The following SYNJ2BP variants were observed in gnomAD, a reference collection of about 807,000 sequenced individuals.
The protein encoded by SYNJ2BP is synaptojanin 2 binding protein.
A neutral mutation model predicts 16.9 loss-of-function variants in SYNJ2BP; 10 were observed. The observed-to-expected ratio is 0.59, with a 90% CI of 0.36 to 1.00. The LOEUF is 1.00. SYNJ2BP is among the 50% of genes least tolerant of loss of function. SYNJ2BP has a pLI of 0.01. For missense variants in SYNJ2BP, 162 were observed against 186.7 expected, an observed-to-expected ratio of 0.87 and a Z score of 0.77; for synonymous variants, 54 against 68.4, an observed-to-expected ratio of 0.79 and a Z score of 1.04.
intron 2 of SYNJ2BP, among the ~76,000 whole-genome samples, chr14:70,387,523 G>A (rs1180805920): frequency 6.6e-6 from 1 of 152,094 alleles, no homozygotes; most frequent in Non-Finnish European, 1.5e-5. Flanking sequence ...ACTGTGCTAT[G>A]ATTCAAAAGG....
chr14:70,412,509 C>CAGTATATATGTATGTAT (rs1888496860), intron 1 of SYNJ2BP, among the ~76,000 whole-genome samples: 16 of 87,690 alleles, frequency 1.8e-4, no homozygotes, highest in Non-Finnish European at 3.9e-4. Context: ...AGTATATATA[C>CAGTATATATGTATGTAT]AGTATATATA....
In SYNJ2BP at chr14:70,373,121, T is replaced by C. The variant is rs772561688; in HGVS notation, c.308A>G (p.Gln103Arg). 5.6e-6 allele frequency: 9 copies of C among 1,613,674 alleles called. No individual in the cohort carries two copies. Among genetic ancestry groups the C allele is most frequent in the South Asian group, 1.1e-5 (1 of 91,002 alleles). ...ACCTCGATGTCCTATAGGTCCATTCTGCACCTGTAACTGGAAGGGAAAGAA... is the reference window on the plus strand; with the variant it reads ...ACCTCGATGTCCTATAGGTCCATTCCGCACCTGTAACTGGAAGGGAAAGAA... ...SLRVQHRLQV[Q>R]NGPIGHRGEG... The change falls in exon 4 of 4, where the codon CAG (glutamine) becomes CGG (arginine). Residue 103 changes from glutamine to arginine, a missense_variant. Coordinates refer to ENST00000256366, the MANE Select transcript of SYNJ2BP (RefSeq NM_018373.3).
At chr14:70,378,992 C>T (rs1327921262) in intron 2 of SYNJ2BP, among the ~76,000 whole-genome samples, 1 of 142,400 alleles carries the variant, frequency 7.0e-6, no homozygotes, top group Non-Finnish European at 1.5e-5. Flanking sequence ...TGTGGATTAC[C>T]ATACCTTCCC....
At chr14:70,397,092 G>C (rs1295742834) in intron 1 of SYNJ2BP, among the ~76,000 whole-genome samples, 1 of 152,094 alleles carries the variant, frequency 6.6e-6, no homozygotes, top group Non-Finnish European at 1.5e-5. Context: ...ATTCTTCTAA[G>C]AGTTTTATGG....
At chr14:70,400,529 A>G (rs746963853) in intron 1 of SYNJ2BP, among the ~76,000 whole-genome samples, 2 of 152,180 alleles carry the variant, frequency 1.3e-5, no homozygotes, top group Non-Finnish European at 2.9e-5. Context: ...AAAAACAAAC[A>G]ATACCCTTTT....
intron 1 of SYNJ2BP, among the ~76,000 whole-genome samples, chr14:70,405,951 T>C (rs948855811): frequency 5.3e-5 from 8 of 152,252 alleles, no homozygotes; most frequent in Non-Finnish European, 1.0e-4. Context: ...CTTGACTTAA[T>C]TAATGACTAT....
rs140201516 is a variant in SYNJ2BP, at chr14:70,401,225, T to C, written c.65-12619A>G. Among the ~76,000 whole-genome samples, 164 of 152,320 alleles carry C rather than the reference T, an allele frequency of 1.1e-3. 1 individual carries two copies. The highest frequency in any genetic ancestry group is 3.7e-3 in the African/African-American group (152 of 41,552). On this transcript the variant is annotated intron_variant, in intron 1 of 3. Coordinates refer to ENST00000256366, the MANE Select transcript of SYNJ2BP (RefSeq NM_018373.3). ...GTACAAACTGAATGAGAGACCTACT[T>C]TATAATTGTCTTGGTTAAAATCTGA...
Position 70,393,187 on chromosome 14 carries a change from C to G in SYNJ2BP, c.65-4581G>C, listed in dbSNP as rs148281367. 9.5e-3 allele frequency among the ~76,000 whole-genome samples: 1,441 copies of G among 152,268 alleles called. 27 individuals carry two copies. The highest frequency in any genetic ancestry group is 0.032 in the African/African-American group (1,347 of 41,548). The stretch of plus-strand genomic sequence containing the variant: ...CACTTCTCAAAAGAAGACATTTATA[C>G]GGCCAACAACATATAAAGAAAAGCT... On this transcript the variant is annotated intron_variant, in intron 1 of 3. Transcript: ENST00000256366.
At chr14:70,398,988 A>G (rs1043376772) in intron 1 of SYNJ2BP, among the ~76,000 whole-genome samples, 4 of 151,960 alleles carry the variant, frequency 2.6e-5, no homozygotes, top group Non-Finnish European at 1.5e-5. Context: ...GGCCATCACA[A>G]GTGTCAGGCT....
intron 2 of SYNJ2BP, among the ~76,000 whole-genome samples, chr14:70,379,806 G>T (rs1333652937): frequency 6.6e-6 from 1 of 152,160 alleles, no homozygotes; most frequent in African/African-American, 2.4e-5. Flanking sequence ...TCATTATAAA[G>T]AAATAAGTAC....
At chr14:70,407,748 A>G (rs987402908) in intron 1 of SYNJ2BP, among the ~76,000 whole-genome samples, 3 of 152,112 alleles carry the variant, frequency 2.0e-5, no homozygotes, top group Admixed American at 6.5e-5. Flanking sequence ...TGCATTATAC[A>G]GTAAACAAAA....
At chr14:70,409,711 T>A (rs564430280) in intron 1 of SYNJ2BP, among the ~76,000 whole-genome samples, 1 of 152,370 alleles carries the variant, frequency 6.6e-6, no homozygotes, top group East Asian at 1.9e-4. Flanking sequence ...CATAATACAA[T>A]GTGTCCATCC....
rs1028727998 is a variant in SYNJ2BP at position 70,371,645 on chromosome 14, C to T, written c.*1346G>A. 6.6e-6 allele frequency: 1 copy of T among 152,232 alleles called. No individual in the cohort carries two copies. Among genetic ancestry groups the T allele is most frequent in the Non-Finnish European group, 1.5e-5 (1 of 68,104 alleles). The allele number at this position is 152,232 out of a possible 1,614,324, so 9.4% of individuals were successfully genotyped here. A position where few individuals can be genotyped will look rare whatever the true frequency, so the allele number is the denominator to read the frequency against. ...TGTTGGCCAGGCTGGTCTTGAACTCCTGACCTTGTGATCTGCCTGCCTCGG... is the reference window on the plus strand; with the variant it reads ...TGTTGGCCAGGCTGGTCTTGAACTCTTGACCTTGTGATCTGCCTGCCTCGG... On this transcript the variant is annotated 3_prime_UTR_variant, in exon 4 of 4. Coordinates refer to ENST00000256366, the MANE Select transcript of SYNJ2BP (RefSeq NM_018373.3).
chr14:70,373,368 C>A (rs1887558791), intron 3 of SYNJ2BP, among the ~76,000 whole-genome samples: 1 of 152,064 alleles, frequency 6.6e-6, no homozygotes, highest in Non-Finnish European at 1.5e-5. Context: ...CCTAAAGGGA[C>A]CCGTGAGGGC....
rs143986566 is a variant in SYNJ2BP at position 70,402,045 on chromosome 14, C to A, written c.65-13439G>T. Among the ~76,000 whole-genome samples the A allele has an allele frequency of 7.1e-4, 108 of 152,232 alleles. 3 individuals are homozygous for A. In the East Asian group the frequency reaches 0.013, roughly 18 times the overall value. On this transcript the variant is annotated intron_variant, in intron 1 of 3. Transcript: ENST00000256366. ...AAAGGAGACTTCTAACGACTCAGAC[C>A]CCTCAAGGAACGCTGAAAAAACACA...
chr14:70,407,561 C>T (rs1259115808), intron 1 of SYNJ2BP, among the ~76,000 whole-genome samples: 1 of 151,978 alleles, frequency 6.6e-6, no homozygotes, highest in Non-Finnish European at 1.5e-5. Context: ...ATAGTATCCT[C>T]CTTACAGTAG....
chr14:70,382,132 A>G (rs1887764654), intron 2 of SYNJ2BP, among the ~76,000 whole-genome samples: 1 of 152,168 alleles, frequency 6.6e-6, no homozygotes, highest in South Asian at 2.1e-4. Flanking sequence ...GCTACTCGGG[A>G]GGCTGAGGCA....
chr14:70,374,158 T>C (rs1887575577), intron 3 of SYNJ2BP, among the ~76,000 whole-genome samples: 1 of 152,264 alleles, frequency 6.6e-6, no homozygotes, highest in Non-Finnish European at 1.5e-5. Flanking sequence ...AAATAACTTC[T>C]CACATACCTT....
chr14:70,377,456 A>T lies in SYNJ2BP; in HGVS notation c.202-1685T>A, dbSNP rs118154716. Among the ~76,000 whole-genome samples, 505 of 152,276 alleles carry T rather than the reference A, an allele frequency of 3.3e-3. 2 individuals are homozygous for T. Among genetic ancestry groups the T allele is most frequent in the Non-Finnish European group, 5.8e-3 (393 of 68,018 alleles). ...ACTCATTTGCTGAACTCCTTAATAA[A>T]CACGCAGTGATAGCTGTTCCAGACC... On this transcript the variant is annotated intron_variant, in intron 2 of 3. Transcript: ENST00000256366.
Sources: gnomAD v4.1 joint callset for allele counts (sites outside exome capture counted in the v4.1 genomes callset) on GRCh38, gnomAD v4.1.1 for gene constraint, MANE v1.5 for transcripts, NCBI Gene and HGNC (gene_info 2026-07-23, HGNC 2026-07-21) for gene names.